B3GALT1: variants seen among roughly 807,000 people sequenced by gnomAD.
The protein encoded by B3GALT1 is UDP-Gal:betaGlcNAc beta 1,3-galactosyltransferase, polypeptide 1.
A neutral mutation model predicts 23.2 loss-of-function variants in B3GALT1; 10 were observed. That is an observed-to-expected ratio of 0.43 (90% CI 0.27 to 0.73). The LOEUF is 0.73. Ranked by LOEUF, B3GALT1 falls within the 30% of genes least tolerant of loss-of-function variation. The pLI, the probability that B3GALT1 is intolerant of heterozygous loss-of-function variation, is 0.21. For synonymous variants in B3GALT1, 156 were observed against 141.5 expected (o/e 1.10, Z -0.73); for missense variants, 299 against 405.4 (o/e 0.74, Z 2.25).
At chr2:167,830,006 A>G (rs1261994684) in intron 4 of B3GALT1, among the ~76,000 whole-genome samples, 2 of 152,194 alleles carry the variant, frequency 1.3e-5, no homozygotes, top group African/African-American at 4.8e-5. Context: ...TCTAGAAAGC[A>G]CGGATGTTCT....
At chr2:167,611,974 G>C (rs1685075202) in intron 2 of B3GALT1, among the ~76,000 whole-genome samples, 1 of 151,952 alleles carries the variant, frequency 6.6e-6, no homozygotes, top group African/African-American at 2.4e-5. Flanking sequence ...ATTTGAAAAA[G>C]AGAACAAGTG....
At chr2:167,651,502 T>C (rs1309709583) in intron 3 of B3GALT1, among the ~76,000 whole-genome samples, 1 of 152,144 alleles carries the variant, frequency 6.6e-6, no homozygotes, top group East Asian at 1.9e-4. Flanking sequence ...AGTTGTTTCT[T>C]CATTCAGAGA....
chr2:167,569,006 G>A (rs76329691), intron 2 of B3GALT1, among the ~76,000 whole-genome samples: 1,776 of 151,816 alleles, frequency 0.012, 31 homozygotes, highest in African/African-American at 0.039. Flanking sequence ...TATTTTCATC[G>A]TTCCTTTTTC....
intron 2 of B3GALT1, among the ~76,000 whole-genome samples, chr2:167,507,504 CAAAAAAAAAA>C (rs60408245): frequency 1.1e-4 from 3 of 26,636 alleles, no homozygotes; most frequent in Non-Finnish European, 3.1e-4. Context: ...GACTCCGTCT[CAAAAAAAAAA>C]AAAAAAAAAA....
rs572331466 is a variant in B3GALT1, at chr2:167,589,211, G to T, written c.-409-57698G>T. ...TCCTCCCATTGCAGCCTCCCAAAGT[G>T]CTGGGCTATTAGGCATGAGCTACCA... On this transcript the variant is annotated intron_variant, in intron 2 of 4. Transcript: ENST00000392690. Among the ~76,000 whole-genome samples, 189 of 152,244 alleles carry T rather than the reference G, an allele frequency of 1.2e-3. No homozygotes were observed. In the Middle Eastern group the frequency reaches 0.014, roughly 11 times the overall value.
intron 3 of B3GALT1, among the ~76,000 whole-genome samples, chr2:167,756,985 G>A (rs1178794334): frequency 1.3e-5 from 2 of 152,132 alleles, no homozygotes; most frequent in Non-Finnish European, 2.9e-5. Flanking sequence ...GTCCAAACGA[G>A]TAAATTCAAA....
At chr2:167,787,236 A>G (rs367597742) in intron 3 of B3GALT1, among the ~76,000 whole-genome samples, 9 of 152,162 alleles carry the variant, frequency 5.9e-5, no homozygotes, top group African/African-American at 1.4e-4. Context: ...CCTGACCTCA[A>G]TGTGTCTTAT....
At chr2:167,297,893 G>C (rs1051096190) in intron 1 of B3GALT1, among the ~76,000 whole-genome samples, 18 of 152,080 alleles carry the variant, frequency 1.2e-4, no homozygotes, top group African/African-American at 4.3e-4. Context: ...CATCATTCAA[G>C]AAAAGCCTTC....
At chr2:167,348,293 T>C (rs1229215335) in intron 1 of B3GALT1, among the ~76,000 whole-genome samples, 1 of 152,228 alleles carries the variant, frequency 6.6e-6, no homozygotes, top group African/African-American at 2.4e-5. Flanking sequence ...GTCTTTTCAG[T>C]AATTTTTATA....
intron 3 of B3GALT1, among the ~76,000 whole-genome samples, chr2:167,743,121 A>G (rs1013745769): frequency 2.4e-4 from 37 of 152,226 alleles, no homozygotes; most frequent in African/African-American, 7.7e-4. Context: ...ATTTTTTTCA[A>G]TGTCTAACAT....
intron 1 of B3GALT1, among the ~76,000 whole-genome samples, chr2:167,481,060 G>A (rs896922605): frequency 8.5e-5 from 13 of 152,048 alleles, no homozygotes; most frequent in African/African-American, 3.1e-4. Flanking sequence ...CCAGCAGCTG[G>A]TACTTGCAAT....
At chr2:167,775,558 G>C (rs1688147317) in intron 3 of B3GALT1, among the ~76,000 whole-genome samples, 1 of 122,290 alleles carries the variant, frequency 8.2e-6, no homozygotes, top group African/African-American at 3.3e-5. Context: ...AACAGAGTGA[G>C]ACGCTGTCTC....
At chr2:167,411,102 T>G (rs1428636067) in intron 1 of B3GALT1, among the ~76,000 whole-genome samples, 2 of 150,664 alleles carry the variant, frequency 1.3e-5, no homozygotes, top group African/African-American at 4.9e-5. Context: ...AAAAGTTGAT[T>G]GAGGAAACAT....
At chr2:167,467,259 T>G (rs1026697179) in intron 1 of B3GALT1, among the ~76,000 whole-genome samples, 5 of 152,228 alleles carry the variant, frequency 3.3e-5, no homozygotes, top group African/African-American at 1.2e-4. Context: ...TTAACTATAA[T>G]TTATTCTCCA....
intron 3 of B3GALT1, among the ~76,000 whole-genome samples, chr2:167,667,375 C>T (rs1686220224): frequency 6.6e-6 from 1 of 152,070 alleles, no homozygotes; most frequent in Non-Finnish European, 1.5e-5. Flanking sequence ...TCTCTGGCTG[C>T]CCTTAACATT....
At chr2:167,776,040 G>GCGCACACACA (rs376718846) in intron 3 of B3GALT1, among the ~76,000 whole-genome samples, 1 of 142,258 alleles carries the variant, frequency 7.0e-6, no homozygotes, top group African/African-American at 2.6e-5. Flanking sequence ...ATGCAACTGT[G>GCGCACACACA]CACACACACA....
chr2:167,736,078 G>C (rs1296746436), intron 3 of B3GALT1, among the ~76,000 whole-genome samples: 1 of 152,142 alleles, frequency 6.6e-6, no homozygotes, highest in South Asian at 2.1e-4. Context: ...ACAATAATTT[G>C]TTCAAGTCAC....
intron 3 of B3GALT1, among the ~76,000 whole-genome samples, chr2:167,742,667 A>AT (rs975785788): frequency 3.9e-5 from 6 of 151,930 alleles, no homozygotes; most frequent in African/African-American, 1.2e-4. Context: ...ATAAGAACCC[A>AT]TTTTTTTTAA....
chr2:167,564,539 C>G (rs977623861), intron 2 of B3GALT1, among the ~76,000 whole-genome samples: 1 of 152,178 alleles, frequency 6.6e-6, no homozygotes, highest in Non-Finnish European at 1.5e-5. Context: ...CGCAGCGAGC[C>G]GAGACCACGC....
Sources: gnomAD v4.1 joint callset for allele counts (sites outside exome capture counted in the v4.1 genomes callset) on GRCh38, gnomAD v4.1.1 for gene constraint, MANE v1.5 for transcripts, NCBI Gene and HGNC (gene_info 2026-07-23, HGNC 2026-07-21) for gene names.